The following USH2A variants were observed in gnomAD, a reference collection of about 807,000 sequenced individuals.
USH2A encodes the protein Usher syndrome 2A (autosomal recessive, mild).
In USH2A, 443 loss-of-function variants were observed where a neutral mutation model predicts 538.9. That is an observed-to-expected ratio of 0.82 (90% CI 0.76 to 0.89). The LOEUF is 0.89. USH2A is among the 40% of genes least tolerant of loss of function. The pLI, the probability that USH2A is intolerant of heterozygous loss-of-function variation, is 0.00. For synonymous variants in USH2A, 2,413 were observed against 2,273.5 expected (o/e 1.06, Z -1.75); for missense variants, 6,633 against 6,324.8 (o/e 1.05, Z -1.65).
chr1:215,755,153 A>T (rs1258852183), intron 58 of USH2A, among the ~76,000 whole-genome samples: 1 of 152,208 alleles, frequency 6.6e-6, no homozygotes, highest in Non-Finnish European at 1.5e-5. Flanking sequence ...TGGAGTTTTT[A>T]AAAAGCTCTA....
At chr1:215,630,527 T>TGA (rs371310533) in intron 70 of USH2A, among the ~76,000 whole-genome samples, 3 of 121,770 alleles carry the variant, frequency 2.5e-5, no homozygotes, top group South Asian at 2.7e-4. Context: ...TATATATATA[T>TGA]GAGAGAGAGA....
chr1:216,384,372 G>A (rs974246447), intron 3 of USH2A, among the ~76,000 whole-genome samples: 5 of 152,026 alleles, frequency 3.3e-5, no homozygotes, highest in Non-Finnish European at 5.9e-5. Context: ...AGATAAGTAC[G>A]AGGTAGGGGA....
chr1:215,730,360 C>T (rs1659956565), intron 60 of USH2A, among the ~76,000 whole-genome samples: 1 of 152,124 alleles, frequency 6.6e-6, no homozygotes, highest in Non-Finnish European at 1.5e-5. Context: ...CCATTACTTC[C>T]CTGCATCTTT....
At chr1:216,216,031 A>T (rs1483069111) in intron 15 of USH2A, among the ~76,000 whole-genome samples, 1 of 152,096 alleles carries the variant, frequency 6.6e-6, no homozygotes, top group Admixed American at 6.6e-5. Flanking sequence ...CCAATCAGAA[A>T]TCACTAAGAT....
chr1:216,084,862 C>A lies in USH2A; in HGVS notation c.5003G>T (p.Gly1668Val), dbSNP rs1265349835. The A allele has an allele frequency of 6.8e-6, 11 of 1,613,050 alleles. No individual in the cohort carries two copies. The highest frequency in any genetic ancestry group is 1.3e-5 in the African/African-American group (1 of 74,834). ...TACATCCTTGAGACAGCCCACAAAA[C>A]CTTTTTGGATTATCTCTGCAGGAGT... ...LRKDPEIIQK[G>V]FVGCLKDVHF... is the part of the protein sequence containing the mutation. Residue 1668 changes from glycine to valine, a missense_variant, in exon 25 of 72, where the codon GGT becomes GTT. Transcript: ENST00000307340.
At chr1:215,630,784 T>C (rs1376482671) in intron 70 of USH2A, among the ~76,000 whole-genome samples, 1 of 150,858 alleles carries the variant, frequency 6.6e-6, no homozygotes, top group African/African-American at 2.4e-5. Context: ...ACCCAGGAGC[T>C]GGAGGTTGCA....
At chr1:215,736,121 T>G (rs1462802892) in intron 60 of USH2A, among the ~76,000 whole-genome samples, 1 of 152,156 alleles carries the variant, frequency 6.6e-6, no homozygotes, top group African/African-American at 2.4e-5. Context: ...TTTATTACAT[T>G]GCTTCTCTAT....
At chr1:215,897,585 A>G (rs1665381515) in intron 40 of USH2A, among the ~76,000 whole-genome samples, 1 of 152,024 alleles carries the variant, frequency 6.6e-6, no homozygotes, top group African/African-American at 2.4e-5. Flanking sequence ...GCTACTTGGG[A>G]GGCTAAGGCA....
intron 37 of USH2A, among the ~76,000 whole-genome samples, chr1:215,953,569 G>A (rs1317166065): frequency 6.6e-5 from 10 of 151,936 alleles, no homozygotes; most frequent in African/African-American, 2.4e-5. Flanking sequence ...AATTCAAGAT[G>A]GATTAAAGAC....
At chr1:216,328,010 G>A (rs891467817) in intron 4 of USH2A, among the ~76,000 whole-genome samples, 3 of 152,048 alleles carry the variant, frequency 2.0e-5, no homozygotes, top group Non-Finnish European at 2.9e-5. Context: ...ATTGTCATCT[G>A]CTTCTGATTG....
At position 216,323,492 on chromosome 1, in the gene USH2A, T is replaced by C. The variant is rs761602494; in HGVS notation, c.1532A>G (p.Glu511Gly). 1 of 1,613,364 alleles carries C rather than the reference T, an allele frequency of 6.2e-7. No homozygotes were observed. The highest frequency in any genetic ancestry group is 8.5e-7 in the Non-Finnish European group (1 of 1,179,676). ...ATAATACCTCCCACTAATGGTGATT[T>C]CGTCCACTGCATAATATCTGTGTCT... ...NLRHRYYAVD[E>G]ITISGRCQCH... Residue 511 changes from glutamate to glycine, a missense_variant, in exon 8 of 72, where the codon GAA becomes GGA. Transcript: ENST00000307340.
chr1:216,400,312 A>G (rs2039284856), intron 3 of USH2A, among the ~76,000 whole-genome samples: 1 of 151,734 alleles, frequency 6.6e-6, no homozygotes, highest in African/African-American at 2.4e-5. Context: ...ATATGGGTTC[A>G]AGGGTAACAG....
chr1:216,183,049 A>G (rs1275894801), intron 20 of USH2A, among the ~76,000 whole-genome samples: 1 of 152,060 alleles, frequency 6.6e-6, no homozygotes, highest in African/African-American at 2.4e-5. Context: ...TTGTTACCTT[A>G]GGGGTCATGG....
At position 215,878,707 on chromosome 1, in the gene USH2A, A is replaced by T. The variant is rs1175883900; in HGVS notation, c.8558+57T>A. On this transcript the variant is annotated intron_variant, in intron 42 of 71. Transcript: ENST00000307340. ...GAATAAAAGCCTCCTTCATTTCCCT[A>T]CTTCTCAGAGAGATAAGGACTACAG... 7.1e-6 allele frequency: 11 copies of T among 1,559,822 alleles called. No homozygotes were observed. In the African/African-American group the frequency reaches 1.2e-4, roughly 17 times the overall value.
chr1:216,131,641 G>T (rs1028677206), intron 21 of USH2A, among the ~76,000 whole-genome samples: 1 of 151,850 alleles, frequency 6.6e-6, no homozygotes, highest in African/African-American at 2.4e-5. Flanking sequence ...CAATCTATTT[G>T]CTATTTCTAA....
At chr1:215,916,093 C>T (rs541348356) in intron 38 of USH2A, among the ~76,000 whole-genome samples, 2 of 150,742 alleles carry the variant, frequency 1.3e-5, no homozygotes, top group Admixed American at 6.6e-5. Flanking sequence ...TGCTAAATGA[C>T]GAGTTAATGG....
chr1:215,801,663 G>C (rs1011302612), intron 49 of USH2A, among the ~76,000 whole-genome samples: 4 of 152,112 alleles, frequency 2.6e-5, no homozygotes, highest in African/African-American at 9.7e-5. Flanking sequence ...CCATGTTTAT[G>C]GACTGGGAGC....
intron 38 of USH2A, among the ~76,000 whole-genome samples, chr1:215,901,992 C>T (rs1187033918): frequency 1.3e-5 from 2 of 152,038 alleles, no homozygotes; most frequent in East Asian, 3.9e-4. Flanking sequence ...AATAAAGCAC[C>T]TGATTTTAGA....
chr1:215,817,779 G>A (rs144441883), intron 47 of USH2A, among the ~76,000 whole-genome samples: 84 of 151,710 alleles, frequency 5.5e-4, no homozygotes, highest in African/African-American at 1.9e-3. Context: ...CAAAGATGCC[G>A]CCATTATATT....
Sources: gnomAD v4.1 joint callset for allele counts (sites outside exome capture counted in the v4.1 genomes callset) on GRCh38, gnomAD v4.1.1 for gene constraint, MANE v1.5 for transcripts, NCBI Gene and HGNC (gene_info 2026-07-23, HGNC 2026-07-21) for gene names.